The following MAST4 variants were observed in gnomAD, a reference collection of about 807,000 sequenced individuals.
The protein encoded by MAST4 is microtubule associated serine/threonine kinase family member 4.
In MAST4, 89 loss-of-function variants were observed where a neutral mutation model predicts 162.7. That is an observed-to-expected ratio of 0.55 (90% CI 0.46 to 0.65). MAST4 has a LOEUF of 0.65. Ranked by LOEUF, MAST4 falls within the 30% of genes least tolerant of loss-of-function variation. MAST4 has a pLI of 0.00. For missense variants in MAST4, 3,153 were observed against 3,374.0 expected (o/e 0.93, Z 1.62); for synonymous variants, 1,479 against 1,361.1 (o/e 1.09, Z -1.91).
At chr5:67,150,704 G>C (rs1243670283) in intron 24 of MAST4, among the ~76,000 whole-genome samples, 1 of 152,142 alleles carries the variant, frequency 6.6e-6, no homozygotes, top group Admixed American at 6.5e-5. Flanking sequence ...TAAAGAAGTG[G>C]GGGCCTGGCC....
chr5:66,775,021 GTGTGTGTGTGTGTGTA>G (rs1247652150), intron 2 of MAST4, among the ~76,000 whole-genome samples: 16 of 148,182 alleles, frequency 1.1e-4, no homozygotes, highest in South Asian at 9.0e-4. Flanking sequence ...GTGTGTGTGT[GTGTGTGTGTGTGTGTA>G]TGTGTGTGTT....
At chr5:66,717,534 G>A (rs1248222690) in intron 1 of MAST4, among the ~76,000 whole-genome samples, 1 of 152,172 alleles carries the variant, frequency 6.6e-6, no homozygotes, top group Non-Finnish European at 1.5e-5. Context: ...TGCAGTCTCA[G>A]CCAGGCAGTC....
intron 1 of MAST4, among the ~76,000 whole-genome samples, chr5:66,671,611 T>C (rs761821701): frequency 1.3e-5 from 2 of 152,168 alleles, no homozygotes; most frequent in Admixed American, 6.5e-5. Flanking sequence ...AGCCATAAAA[T>C]ACGGTTTTGC....
chr5:66,862,960 A>G (rs1204448158), intron 3 of MAST4, among the ~76,000 whole-genome samples: 1 of 152,212 alleles, frequency 6.6e-6, no homozygotes, highest in Admixed American at 6.5e-5. Context: ...ATCTGAGTGG[A>G]TTCTGTACAG....
intron 1 of MAST4, among the ~76,000 whole-genome samples, chr5:66,747,513 A>T (rs1258607748): frequency 6.6e-6 from 1 of 152,210 alleles, no homozygotes. Flanking sequence ...ACAGTTAAAT[A>T]GTTTGGGTAA....
chr5:66,845,527 G>A (rs1315376382), intron 3 of MAST4, among the ~76,000 whole-genome samples: 1 of 152,002 alleles, frequency 6.6e-6, no homozygotes, highest in Non-Finnish European at 1.5e-5. Context: ...ATGGACATTT[G>A]GGTTGGTTCC....
Position 67,112,629 on chromosome 5 carries a change from A to G in MAST4, c.1459-1458A>G, listed in dbSNP as rs537794221. On this transcript the variant is annotated intron_variant, in intron 11 of 28. Coordinates refer to ENST00000403625, the MANE Select transcript of MAST4 (RefSeq NM_001164664.2). ...TTTATTATGAAATACACTAAAAACT[A>G]TACAGATGATGAGATGCATAGGGTG... is the stretch of plus-strand genomic sequence containing the variant. Among the ~76,000 whole-genome samples, 6 of 152,334 alleles carry G rather than the reference A, an allele frequency of 3.9e-5. No individual in the cohort carries two copies. The South Asian group carries it at 8.3e-4, about 21-fold the overall frequency.
chr5:67,082,361 T>C (rs1581490918), intron 5 of MAST4, among the ~76,000 whole-genome samples: 1 of 152,078 alleles, frequency 6.6e-6, no homozygotes, highest in Non-Finnish European at 1.5e-5. Flanking sequence ...TCTCCATCTC[T>C]TGACCTCGTG....
intron 3 of MAST4, among the ~76,000 whole-genome samples, chr5:66,861,605 G>A (rs1316289841): frequency 6.6e-6 from 1 of 152,212 alleles, no homozygotes; most frequent in Admixed American, 6.5e-5. Flanking sequence ...AACCACTGTG[G>A]GGAGCCAAAA....
At chr5:66,934,910 T>C (rs1310224449) in intron 4 of MAST4, among the ~76,000 whole-genome samples, 3 of 152,210 alleles carry the variant, frequency 2.0e-5, no homozygotes, top group South Asian at 4.1e-4. Context: ...TCTGTAAATA[T>C]GTTTCCCAAA....
In MAST4 at chr5:67,142,513, T is replaced by G; in HGVS notation, c.2710T>G (p.Cys904Gly). Residue 904 changes from cysteine (C) to glycine (G), a missense_variant, in exon 21 of 29, where the codon TGT becomes GGT. Around this residue, in one of 7 missense-constraint regions of MAST4, gnomAD observed 619 missense variants for 744.2 expected, o/e 0.83. Coordinates refer to ENST00000403625, the MANE Select transcript of MAST4 (RefSeq NM_001164664.2). ...TGTGGAAATAAGGCAGTTTTCTTCA[T>G]GTTCACACAGGTTTTCAAAAGTAAG... ...FNVEIRQFSS[C>G]SHRFSKVFSS... 1 of 1,584,108 alleles carries G rather than the reference T, an allele frequency of 6.3e-7. No individual in the cohort carries two copies. Among genetic ancestry groups the G allele is most frequent in the Non-Finnish European group, 8.6e-7 (1 of 1,163,762 alleles).
intron 4 of MAST4, among the ~76,000 whole-genome samples, chr5:67,051,133 C>T (rs1339157326): frequency 6.6e-6 from 1 of 151,394 alleles, no homozygotes; most frequent in African/African-American, 2.4e-5. Flanking sequence ...AAGTAGTATT[C>T]ATGTTTAATC....
rs533104071 is a variant in MAST4, at chr5:66,915,679, G to A, written c.674+15697G>A. On this transcript the variant is annotated intron_variant, in intron 4 of 28. Coordinates refer to ENST00000403625, the MANE Select transcript of MAST4 (RefSeq NM_001164664.2). ...GTTGTGTAACTAAACAGTTGAGGCT[G>A]CACGCGGGCGCTGGTCCCGAGGGTC... is the stretch of plus-strand genomic sequence containing the variant. 5.9e-5 allele frequency among the ~76,000 whole-genome samples: 9 copies of A among 152,340 alleles called. No individual in the cohort carries two copies. The East Asian group carries it at 1.5e-3, about 26-fold the overall frequency.
chr5:67,043,054 A>G (rs27206), intron 4 of MAST4, among the ~76,000 whole-genome samples: 19,659 of 152,198 alleles, frequency 0.13, 1,396 homozygotes, highest in Middle Eastern at 0.22. Context: ...GTTGAATGTC[A>G]TAAAAGGAGA....
At chr5:67,032,546 G>A (rs531766894) in intron 4 of MAST4, among the ~76,000 whole-genome samples, 4 of 151,992 alleles carry the variant, frequency 2.6e-5, no homozygotes, top group Non-Finnish European at 4.4e-5. Flanking sequence ...AAATAAGACC[G>A]GTTTTAAACG....
intron 1 of MAST4, among the ~76,000 whole-genome samples, chr5:66,716,770 A>G (rs148303619): frequency 5.4e-4 from 82 of 152,286 alleles, no homozygotes; most frequent in African/African-American, 1.9e-3. Context: ...ATAGAAGCAT[A>G]CATCCCTTGT....
At position 66,688,274 on chromosome 5, in the gene MAST4, C is replaced by G. The variant is rs1352097677; in HGVS notation, c.364-71435C>G. 3.9e-5 allele frequency among the ~76,000 whole-genome samples: 6 copies of G among 152,184 alleles called. No individual in the cohort carries two copies. In the East Asian group the frequency reaches 9.6e-4, roughly 24 times the overall value. Reference sequence around the variant, plus strand: ...TCAACTGGGCACATCAGTAAGGATGCCTGCAGTGATTTGACACACCCACTC... The same window carrying G: ...TCAACTGGGCACATCAGTAAGGATGGCTGCAGTGATTTGACACACCCACTC... On this transcript the variant is annotated intron_variant, in intron 1 of 28. Coordinates refer to ENST00000403625, the MANE Select transcript of MAST4 (RefSeq NM_001164664.2).
At position 67,130,402 on chromosome 5, in the gene MAST4, C is replaced by T. The variant is rs1330671454; in HGVS notation, c.1938C>T (p.Val646=). 6.2e-7 allele frequency: 1 copy of T among 1,613,808 alleles called. No homozygotes were observed. The highest frequency in any genetic ancestry group is 1.1e-5 in the South Asian group (1 of 91,038). ...AAACAAGGCGCCACTTGTGCATGGT[C>T]ATGGAATATGTGGAAGGTATCTGAC... ...SFETRRHLCM[V]MEYVEGGDCA... Residue 646 remains valine (V), a synonymous_variant, in exon 15 of 29, where the codon GTC becomes GTT. Transcript: ENST00000403625.
intron 4 of MAST4, among the ~76,000 whole-genome samples, chr5:66,936,779 C>T (rs1206776416): frequency 6.6e-6 from 1 of 152,136 alleles, no homozygotes; most frequent in Admixed American, 6.5e-5. Context: ...TAAACAATAC[C>T]TGACGAATAT....
Sources: gnomAD v4.1 joint callset for allele counts (sites outside exome capture counted in the v4.1 genomes callset) on GRCh38, gnomAD v4.1.1 for gene constraint, gnomAD v4.1.1 regional missense constraint, MANE v1.5 for transcripts, NCBI Gene and HGNC (gene_info 2026-07-23, HGNC 2026-07-21) for gene names.